Variants in SAMSN1 observed in about 807,000 individuals in gnomAD.
The protein encoded by SAMSN1 is SAM domain, SH3 domain and nuclear localization signals 1.
A neutral mutation model predicts 42.0 loss-of-function variants in SAMSN1; 31 were observed. The ratio of observed to expected loss-of-function variants is 0.74; its 90% CI spans 0.55 to 1.00. The LOEUF is 1.00. SAMSN1 is among the 50% of genes least tolerant of loss of function. The pLI is 0.00. For synonymous variants in SAMSN1, 178 were observed against 151.9 expected, an observed-to-expected ratio of 1.17 and a Z score of -1.26; for missense variants, 464 against 439.4, an observed-to-expected ratio of 1.06 and a Z score of -0.50.
intron 7 of SAMSN1, among the ~76,000 whole-genome samples, chr21:14,487,361 C>A (rs567285691): frequency 0.019 from 2,132 of 114,560 alleles, 44 homozygotes; most frequent in African/African-American, 0.11. Flanking sequence ...ATATATATAT[C>A]TATCTTCTTT....
At chr21:14,566,265 T>TA (rs1477588680) in intron 2 of SAMSN1, among the ~76,000 whole-genome samples, 4 of 152,138 alleles carry the variant, frequency 2.6e-5, no homozygotes, top group Non-Finnish European at 5.9e-5. Flanking sequence ...TGCAAGACCA[T>TA]CAGAAAAAGC....
chr21:14,580,547 T>C (rs1981671562), intron 2 of SAMSN1, among the ~76,000 whole-genome samples: 1 of 152,146 alleles, frequency 6.6e-6, no homozygotes, highest in Non-Finnish European at 1.5e-5. Flanking sequence ...ACCTGCAAAG[T>C]GCAGCAGTCC....
intron 2 of SAMSN1, among the ~76,000 whole-genome samples, chr21:14,573,379 T>G (rs2064025): frequency 0.64 from 97,835 of 152,042 alleles, 34,001 homozygotes; most frequent in African/African-American, 0.91. Flanking sequence ...TGGAAATTCT[T>G]GTTCATGAAG....
At chr21:14,622,225 C>G (rs1983032574) in intron 2 of SAMSN1, among the ~76,000 whole-genome samples, 1 of 152,230 alleles carries the variant, frequency 6.6e-6, no homozygotes, top group African/African-American at 2.4e-5. Flanking sequence ...CTCTCCTCCT[C>G]CAAAGGAATG....
Position 14,498,602 on chromosome 21 carries a change from A to G in SAMSN1, c.769-10T>C, listed in dbSNP as rs1987006994. ...GTGTTGAGGTGTATTCCTGTAAGAC[A>G]AAAAATATAAAGCAAATTAGTCAGA... is the stretch of plus-strand genomic sequence containing the variant. On this transcript the variant is annotated splice_polypyrimidine_tract_variant and intron_variant, in intron 6 of 7. Coordinates refer to ENST00000400566, the MANE Select transcript of SAMSN1 (RefSeq NM_022136.5). The G allele has an allele frequency of 3.2e-6, 5 of 1,540,940 alleles. No homozygotes were observed. The Middle Eastern group carries it at 5.2e-4, about 161-fold the overall frequency.
intron 2 of SAMSN1, among the ~76,000 whole-genome samples, chr21:14,618,313 AG>A (rs1219292475): frequency 3.3e-5 from 5 of 152,198 alleles, no homozygotes; most frequent in Middle Eastern, 3.2e-3. Context: ...GCTTCCTACA[AG>A]GGTAGGGAGA....
rs1223563465 is a variant in SAMSN1 at position 14,577,236 on chromosome 21, GTGTATATATATATATATA to G, written c.261+4882_261+4899del. 1.2e-3 allele frequency among the ~76,000 whole-genome samples: 37 copies of G among 30,856 alleles called. 2 individuals carry two copies. The highest frequency in any genetic ancestry group is 8.9e-3 in the East Asian group (7 of 784). The allele number at this position is 30,856 out of a possible 152,430, so 20.2% of individuals were successfully genotyped here. A position where few individuals can be genotyped will look rare whatever the true frequency, so the allele number is the denominator to read the frequency against. On this transcript the variant is annotated intron_variant, in intron 2 of 8. Transcript: ENST00000285670. ...ATGGTGGGCTAATTTATATATATGTGTGTATATATATATATATATATATATATATATATATATATATAT... is the reference window on the plus strand; with the variant it reads ...ATGGTGGGCTAATTTATATATATGTGTATATATATATATATATATATATAT...
chr21:14,535,244 C>T (rs1006231892), intron 1 of SAMSN1, among the ~76,000 whole-genome samples: 5 of 152,080 alleles, frequency 3.3e-5, no homozygotes, highest in Non-Finnish European at 5.9e-5. Context: ...AAGCATGGGT[C>T]AAGGGGGTCA....
chr21:14,548,415 A>T (rs1980498643), upstream of SAMSN1, among the ~76,000 whole-genome samples: 1 of 152,174 alleles, frequency 6.6e-6, no homozygotes, highest in South Asian at 2.1e-4. Flanking sequence ...ATACAGTGCT[A>T]AAGAATAGAG....
intron 5 of SAMSN1, among the ~76,000 whole-genome samples, chr21:14,505,537 C>G (rs1443817901): frequency 6.6e-6 from 1 of 152,178 alleles, no homozygotes; most frequent in Non-Finnish European, 1.5e-5. Context: ...CCTTGTCTAA[C>G]AGGAAAATAT....
At chr21:14,499,074 C>A (rs1268222952) in intron 6 of SAMSN1, among the ~76,000 whole-genome samples, 1 of 152,094 alleles carries the variant, frequency 6.6e-6, no homozygotes, top group Admixed American at 6.5e-5. Flanking sequence ...GAGTTTGAAA[C>A]AGATGTAATT....
upstream of SAMSN1, chr21:14,546,440 C>G: frequency 9.7e-7 from 1 of 1,036,114 alleles, no homozygotes; most frequent in South Asian, 2.3e-5. Context: ...TTTTTTCTTA[C>G]AGTAATTCTT....
chr21:14,569,155 C>A (rs973026301), intron 2 of SAMSN1, among the ~76,000 whole-genome samples: 2 of 151,742 alleles, frequency 1.3e-5, no homozygotes, highest in South Asian at 2.1e-4. Flanking sequence ...AATAGCTAGG[C>A]GTGTTGTTGC....
chr21:14,562,567 T>C (rs1326582959), intron 2 of SAMSN1, among the ~76,000 whole-genome samples: 1 of 150,302 alleles, frequency 6.7e-6, no homozygotes, highest in African/African-American at 2.4e-5. Context: ...TAATACTATA[T>C]AATATGGACT....
At chr21:14,643,039 A>C in exon 2 of SAMSN1, 1 of 717,292 alleles carries the variant, frequency 1.4e-6, no homozygotes, top group East Asian at 2.7e-5. Context: ...ACTCTCTCCA[A>C]AGGGTGGGAT....
chr21:14,501,127 A>G (rs115962266), intron 5 of SAMSN1, among the ~76,000 whole-genome samples: 4,142 of 152,250 alleles, frequency 0.027, 166 homozygotes, highest in African/African-American at 0.086. Context: ...TGGGCAACAC[A>G]GTGAGATCCT....
At chr21:14,559,496 CTCTT>C (rs1980872244) in intron 2 of SAMSN1, among the ~76,000 whole-genome samples, 1 of 152,036 alleles carries the variant, frequency 6.6e-6, no homozygotes, top group African/African-American at 2.4e-5. Context: ...GAGAATCTGT[CTCTT>C]TCTGTCTCTC....
chr21:14,622,301 G>C (rs939917464), intron 2 of SAMSN1, among the ~76,000 whole-genome samples: 1 of 152,248 alleles, frequency 6.6e-6, no homozygotes, highest in Non-Finnish European at 1.5e-5. Context: ...AGAGAAGAAG[G>C]CTTCAGATGA....
chr21:14,647,517 G>A (rs1041405550), intron 1 of SAMSN1, among the ~76,000 whole-genome samples: 3 of 148,808 alleles, frequency 2.0e-5, no homozygotes, highest in African/African-American at 7.4e-5. Flanking sequence ...TTCCAATTCT[G>A]TGAAGAAAGG....
Sources: allele counts gnomAD v4.1 joint callset (sites outside exome capture counted in the v4.1 genomes callset), GRCh38; gene constraint gnomAD v4.1.1; transcripts MANE v1.5; gene names NCBI Gene and HGNC (gene_info 2026-07-23, HGNC 2026-07-21).